Variants in COL4A1 observed in about 807,000 individuals in gnomAD.
COL4A1 encodes collagen type IV alpha 1 chain.
Under a neutral mutation model 216.6 loss-of-function variants are expected in COL4A1, and 40 were observed. The observed-to-expected ratio is 0.18, with a 90% CI of 0.14 to 0.24. COL4A1 has a LOEUF of 0.24. COL4A1 is among the 10% of genes least tolerant of loss of function. The probability of loss-of-function intolerance (pLI) is 1.00; values close to 1 mark genes in which losing one functional copy is unlikely to be tolerated. For missense variants in COL4A1, 1,628 were observed against 2,196.8 expected, an observed-to-expected ratio of 0.74 and a Z score of 5.18; for synonymous variants, 839 against 810.7, an observed-to-expected ratio of 1.03 and a Z score of -0.59.
intron 1 of COL4A1, among the ~76,000 whole-genome samples, chr13:110,293,479 T>C (rs1379369871): frequency 6.6e-6 from 1 of 152,154 alleles, no homozygotes; most frequent in East Asian, 1.9e-4. Flanking sequence ...CTAGAAAAAG[T>C]TGTATTAAAA....
chr13:110,303,784 G>A (rs1272208108), intron 1 of COL4A1, among the ~76,000 whole-genome samples: 1 of 152,172 alleles, frequency 6.6e-6, no homozygotes, highest in Admixed American at 6.5e-5. Context: ...TGACCTTCCT[G>A]AGGACAGAGA....
chr13:110,228,246 G>T lies in COL4A1; in HGVS notation c.145-14231C>A, dbSNP rs999442182. ...AGTGGTGGTGCGGGGGCGGGGGGGG[G>T]GTCTACATCAGGAACAAAATATTGG... On this transcript the variant is annotated intron_variant, in intron 2 of 51. Transcript: ENST00000375820. Among the ~76,000 whole-genome samples, 97 of 146,232 alleles carry T rather than the reference G, an allele frequency of 6.6e-4. 1 individual carries two copies. Among genetic ancestry groups the T allele is most frequent in the African/African-American group, 2.4e-3 (96 of 40,262 alleles).
intron 1 of COL4A1, among the ~76,000 whole-genome samples, chr13:110,249,295 C>T (rs2139255346): frequency 6.6e-6 from 1 of 152,204 alleles, no homozygotes; most frequent in Middle Eastern, 3.4e-3. Flanking sequence ...ACTCATCGAG[C>T]TGTGCACTTG....
At chr13:110,248,569 G>A (rs1881941414) in intron 1 of COL4A1, among the ~76,000 whole-genome samples, 2 of 152,230 alleles carry the variant, frequency 1.3e-5, no homozygotes, top group South Asian at 2.1e-4. Context: ...TCGGCTCACC[G>A]CAACCTCTGC....
intron 1 of COL4A1, among the ~76,000 whole-genome samples, chr13:110,259,963 G>A (rs779336263): frequency 2.0e-5 from 3 of 152,098 alleles, no homozygotes; most frequent in East Asian, 1.9e-4. Flanking sequence ...CTGCATCCCC[G>A]TTACTCTGAA....
In COL4A1 at chr13:110,268,675, C is replaced by T. The variant is rs900255053; in HGVS notation, c.85-25941G>A. On this transcript the variant is annotated intron_variant, in intron 1 of 51. Coordinates refer to ENST00000375820, the MANE Select transcript of COL4A1 (RefSeq NM_001845.6). The surrounding 1 kb of genome is among the most constrained non-coding windows in gnomAD (Gnocchi z 4.1). Reference sequence around the variant, plus strand: ...TGGCTTGCCAAGGGGCTCTACCTCTCCAAACCCGGGTGCCTTGTCCATGAC... The same window carrying T: ...TGGCTTGCCAAGGGGCTCTACCTCTTCAAACCCGGGTGCCTTGTCCATGAC... 2.0e-5 allele frequency among the ~76,000 whole-genome samples: 3 copies of T among 152,210 alleles called. No homozygotes were observed. The highest frequency in any genetic ancestry group is 7.2e-5 in the African/African-American group (3 of 41,446).
At chr13:110,166,765 A>T (rs1339042325) in intron 44 of COL4A1, among the ~76,000 whole-genome samples, 1 of 152,200 alleles carries the variant, frequency 6.6e-6, no homozygotes, top group African/African-American at 2.4e-5. Context: ...TTGGACCACA[A>T]GACACCTTGA....
At chr13:110,270,060 C>A (rs1199571810) in intron 1 of COL4A1, among the ~76,000 whole-genome samples, 3 of 152,156 alleles carry the variant, frequency 2.0e-5, no homozygotes, top group Non-Finnish European at 4.4e-5. Context: ...TCCACTCCAA[C>A]ACAAACAGCT....
At chr13:110,230,069 G>C (rs1164334792) in intron 2 of COL4A1, among the ~76,000 whole-genome samples, 1 of 152,084 alleles carries the variant, frequency 6.6e-6, no homozygotes, top group Non-Finnish European at 1.5e-5. Flanking sequence ...CAGGAAAAAG[G>C]AGCAGAACCA....
At chr13:110,192,769 G>A (rs1878697486) in intron 23 of COL4A1, 61 bp downstream of exon 23, 1 of 1,448,224 alleles carries the variant, frequency 6.9e-7, no homozygotes, top group African/African-American at 1.4e-5. Flanking sequence ...CCCTTTCACA[G>A]GAAAGATGCC....
intron 1 of COL4A1, among the ~76,000 whole-genome samples, chr13:110,260,420 G>A (rs77898225): frequency 6.6e-6 from 1 of 152,232 alleles, no homozygotes; most frequent in African/African-American, 2.4e-5. Context: ...ATGTGGGTGG[G>A]GATACAGTGA....
At chr13:110,151,727 T>C (rs959524493) in intron 51 of COL4A1, among the ~76,000 whole-genome samples, 2 of 152,086 alleles carry the variant, frequency 1.3e-5, no homozygotes, top group Non-Finnish European at 2.9e-5. Context: ...GGATAGAGGG[T>C]TCATTATGCG....
chr13:110,221,337 A>C (rs919857345), intron 2 of COL4A1, among the ~76,000 whole-genome samples: 1 of 152,248 alleles, frequency 6.6e-6, no homozygotes, highest in African/African-American at 2.4e-5. Context: ...AAAGAAAAAA[A>C]TGAATTAAAA....
Position 110,175,230 on chromosome 13 carries a change from C to T in COL4A1, c.3186G>A (p.Leu1062=), listed in dbSNP as rs1335714463. Residue 1062 remains leucine (L), a synonymous_variant, in exon 37 of 52, where the codon CTG becomes CTA. Coordinates refer to ENST00000375820, the MANE Select transcript of COL4A1 (RefSeq NM_001845.6). ...AGPPGIGIPG[L]RGEKGDQGIA... ...GAGCGCTGGTTACCTTTTCACCTCGCAGCCCTGGGATGCCTATGCCAGGTG... is the reference window on the plus strand; with the variant it reads ...GAGCGCTGGTTACCTTTTCACCTCGTAGCCCTGGGATGCCTATGCCAGGTG... 2 of 1,614,242 alleles carry T rather than the reference C, an allele frequency of 1.2e-6. No homozygotes were observed. The highest frequency in any genetic ancestry group is 3.3e-5 in the Admixed American group (2 of 60,030).
At chr13:110,293,544 T>A (rs1237713801) in intron 1 of COL4A1, among the ~76,000 whole-genome samples, 1 of 152,218 alleles carries the variant, frequency 6.6e-6, no homozygotes, top group East Asian at 1.9e-4. Context: ...AGATGGCAAT[T>A]GACTCTGCTC....
chr13:110,305,628 C>T (rs2139329185), intron 1 of COL4A1, among the ~76,000 whole-genome samples: 1 of 152,334 alleles, frequency 6.6e-6, no homozygotes, highest in South Asian at 2.1e-4. Flanking sequence ...GTCATCATTA[C>T]CAAAGAGTGT....
intron 24 of COL4A1, chr13:110,191,119 T>C (rs889579851): frequency 1.0e-4 from 16 of 152,462 alleles, no homozygotes; most frequent in Middle Eastern, 3.4e-3. Context: ...TCTTAAACAA[T>C]TGCAACTTCT....
intron 1 of COL4A1, among the ~76,000 whole-genome samples, chr13:110,271,779 T>A (rs1185470602): frequency 1.3e-5 from 2 of 152,244 alleles, no homozygotes; most frequent in Non-Finnish European, 2.9e-5. Context: ...CAGAGTATTA[T>A]CTTAATTTTA....
chr13:110,179,554 T>C, intron 29 of COL4A1, 133 bp from the exon 30 acceptor site: 1 of 1,350,298 alleles, frequency 7.4e-7, no homozygotes, highest in East Asian at 2.4e-5. Context: ...TCAACCCTTT[T>C]CAAGCGTTTG....
Sources: gnomAD v4.1 joint callset for allele counts (sites outside exome capture counted in the v4.1 genomes callset) on GRCh38, gnomAD v4.1.1 for gene constraint, Gnocchi (gnomAD v3.1) non-coding constraint, MANE v1.5 for transcripts, NCBI Gene and HGNC (gene_info 2026-07-23, HGNC 2026-07-21) for gene names.